CPEB1: variants seen among roughly 807,000 people sequenced by gnomAD.
The protein encoded by CPEB1 is cytoplasmic polyadenylation element-binding protein 1.
CPEB1 carries 7 observed loss-of-function variants against 65.8 expected under a neutral mutation model. The ratio of observed to expected loss-of-function variants is 0.11; its 90% confidence interval spans 0.06 to 0.20. The LOEUF is 0.20. Ranked by LOEUF, CPEB1 falls within the 10% of genes least tolerant of loss-of-function variation. The pLI, the probability that CPEB1 is intolerant of heterozygous loss-of-function variation, is 1.00. For synonymous variants in CPEB1, 262 were observed against 260.0 expected (o/e 1.01, Z -0.08); for missense variants, 551 against 712.2 (o/e 0.77, Z 2.58).
At chr15:82,553,305 G>C in intron 8 of CPEB1, 162 bp downstream of exon 8, 3 of 622,846 alleles carry the variant, frequency 4.8e-6, no homozygotes, top group Admixed American at 2.8e-5. Flanking sequence ...GGACATGTTA[G>C]GTTGAAGAGA....
intron 4 of CPEB1, among the ~76,000 whole-genome samples, chr15:82,566,437 A>C (rs1001572028): frequency 1.3e-5 from 2 of 152,130 alleles, no homozygotes; most frequent in Non-Finnish European, 2.9e-5. Flanking sequence ...AGGAATAGGA[A>C]GGGGGGAGAG....
intron 9 of CPEB1, among the ~76,000 whole-genome samples, chr15:82,550,552 G>C (rs1405567811): frequency 1.3e-5 from 2 of 152,196 alleles, no homozygotes; most frequent in Non-Finnish European, 2.9e-5. Context: ...GGGCCTACAC[G>C]GTCTTGGGAT....
At chr15:82,605,187 A>G (rs187584275) in intron 3 of CPEB1, among the ~76,000 whole-genome samples, 13 of 152,318 alleles carry the variant, frequency 8.5e-5, no homozygotes, top group Admixed American at 8.5e-4. Flanking sequence ...TCCTAGACAA[A>G]AAGGGAGTTT....
intron 1 of CPEB1, chr15:82,641,537 T>A (rs1596147424): frequency 6.6e-6 from 1 of 152,062 alleles, no homozygotes; most frequent in Non-Finnish European, 1.5e-5. Flanking sequence ...TGGCCAAGAA[T>A]AAAGAAACAA....
intron 1 of CPEB1, among the ~76,000 whole-genome samples, chr15:82,645,288 G>C (rs957418837): frequency 6.6e-6 from 1 of 152,074 alleles, no homozygotes; most frequent in Non-Finnish European, 1.5e-5. Context: ...AAGTAGCTTC[G>C]ATTATAGGCG....
At chr15:82,587,433 T>C (rs954441757) in intron 3 of CPEB1, among the ~76,000 whole-genome samples, 2 of 152,202 alleles carry the variant, frequency 1.3e-5, no homozygotes, top group Non-Finnish European at 2.9e-5. Context: ...TCTGTCAAAA[T>C]GGACTACGAA....
chr15:82,577,078 A>G (rs553276994), intron 3 of CPEB1, among the ~76,000 whole-genome samples: 4 of 152,376 alleles, frequency 2.6e-5, no homozygotes, highest in Admixed American at 2.6e-4. Context: ...TTTTCTGTAA[A>G]TAAAGTTAAA....
intron 3 of CPEB1, among the ~76,000 whole-genome samples, chr15:82,618,815 A>C (rs754695190): frequency 7.2e-5 from 11 of 152,224 alleles, no homozygotes; most frequent in Non-Finnish European, 1.3e-4. Flanking sequence ...TAAAGACCAG[A>C]TAAGCAAAGG....
chr15:82,582,786 G>A (rs1438780027), intron 3 of CPEB1, among the ~76,000 whole-genome samples: 7 of 137,944 alleles, frequency 5.1e-5, no homozygotes, highest in Admixed American at 1.7e-4. Flanking sequence ...CTGTTGCCCC[G>A]GCTGGAGTGC....
At position 82,556,068 on chromosome 15, in the gene CPEB1, G is replaced by A. The variant is rs1567174374; in HGVS notation, c.742C>T (p.Pro248Ser). The change falls in exon 6 of 13, where the codon CCC becomes TCC. Residue 248 changes from proline (P) to serine (S), a missense_variant. By Grantham distance (74) the Pro-to-Ser change is moderately conservative (BLOSUM62 -1). Transcript: ENST00000684509. ...LPFLSLSGGGPRDPLKMGVGS... is the reference protein window; with the variant it reads ...LPFLSLSGGGSRDPLKMGVGS... ...ACCCCCATCTTTAAAGGGTCTCTGGGACCACCCCCTGACAGAGACAGGAAG... is the reference window on the plus strand; with the variant it reads ...ACCCCCATCTTTAAAGGGTCTCTGGAACCACCCCCTGACAGAGACAGGAAG... 13 of 1,611,280 alleles carry A rather than the reference G, an allele frequency of 8.1e-6. No homozygotes were observed. Among genetic ancestry groups the A allele is most frequent in the Admixed American group, 1.7e-5 (1 of 59,596 alleles).
Position 82,566,439 on chromosome 15 carries a change from G to C in CPEB1, c.460+4905C>G, listed in dbSNP as rs555588328. 2.0e-4 allele frequency among the ~76,000 whole-genome samples: 31 copies of C among 152,234 alleles called. No homozygotes were observed. In the South Asian group the frequency reaches 4.8e-3, roughly 23 times the overall value. ...AGGATCTCTCTGAAGGAATAGGAAG[G>C]GGGGAGAGTAGCATTCATTCCATGT... On this transcript the variant is annotated intron_variant, in intron 4 of 12. Coordinates refer to ENST00000684509, the MANE Select transcript of CPEB1 (RefSeq NM_001365242.1).
chr15:82,620,131 G>A (rs985884739), intron 3 of CPEB1, among the ~76,000 whole-genome samples: 19 of 152,136 alleles, frequency 1.2e-4, no homozygotes, highest in African/African-American at 3.6e-4. Flanking sequence ...TATCTGGGCC[G>A]GGTGTGGTTG....
At chr15:82,584,539 G>A (rs1165230564) in intron 3 of CPEB1, among the ~76,000 whole-genome samples, 2 of 151,614 alleles carry the variant, frequency 1.3e-5, no homozygotes, top group Non-Finnish European at 2.9e-5. Context: ...TTAGCCAGGC[G>A]TGGTGGTGGG....
chr15:82,632,514 C>CAA (rs2046348149), intron 1 of CPEB1, among the ~76,000 whole-genome samples: 1 of 151,892 alleles, frequency 6.6e-6, no homozygotes, highest in Non-Finnish European at 1.5e-5. Flanking sequence ...TATTCACACA[C>CAA]ACACACACAC....
upstream of CPEB1, chr15:82,648,220 C>T (rs1341399308): frequency 7.5e-6 from 2 of 266,672 alleles, no homozygotes; most frequent in African/African-American, 2.2e-5. Context: ...GCGCCATCAC[C>T]TAAGTGACCC....
intron 3 of CPEB1, among the ~76,000 whole-genome samples, chr15:82,572,620 GA>G (rs2040196184): frequency 6.6e-6 from 1 of 152,184 alleles, no homozygotes; most frequent in African/African-American, 2.4e-5. Flanking sequence ...AGCAGCATCT[GA>G]CAAACCAAGA....
intron 3 of CPEB1, among the ~76,000 whole-genome samples, chr15:82,579,689 G>T (rs897096490): frequency 2.0e-5 from 3 of 151,076 alleles, no homozygotes; most frequent in African/African-American, 7.3e-5. Flanking sequence ...GAGACGGGTG[G>T]ATCATGAGGT....
chr15:82,546,277 T>C lies in CPEB1; in HGVS notation c.1656+164A>G, dbSNP rs143862541. 4.9e-3 allele frequency among the ~76,000 whole-genome samples: 742 copies of C among 152,184 alleles called. 5 individuals are homozygous for C. The highest frequency in any genetic ancestry group is 8.5e-3 in the South Asian group (41 of 4,822). Reference sequence around the variant, plus strand: ...GGCGCCTGCCACCACGCCAGGCTAATTGTTGTATTTTTAATAGAGACGGGG... The same window carrying C: ...GGCGCCTGCCACCACGCCAGGCTAACTGTTGTATTTTTAATAGAGACGGGG... On this transcript the variant is annotated intron_variant, in intron 12 of 12. Coordinates refer to ENST00000684509, the MANE Select transcript of CPEB1 (RefSeq NM_001365242.1).
At position 82,567,010 on chromosome 15, in the gene CPEB1, G is replaced by C. The variant is rs114116268; in HGVS notation, c.460+4334C>G. On this transcript the variant is annotated intron_variant, in intron 4 of 12. Transcript: ENST00000684509. ...TTAAAAAACAACCAGGATAAACACA[G>C]TGGCTCAGCACTCATCATTCATTCA... Among the ~76,000 whole-genome samples the C allele has an allele frequency of 6.7e-3, 1,015 of 152,200 alleles. 10 individuals carry two copies. The highest frequency in any genetic ancestry group is 0.023 in the African/African-American group (947 of 41,522).
Sources: gnomAD v4.1 joint callset for allele counts (sites outside exome capture counted in the v4.1 genomes callset) on GRCh38, gnomAD v4.1.1 for gene constraint, MANE v1.5 for transcripts, NCBI Gene and HGNC (gene_info 2026-07-23, HGNC 2026-07-21) for gene names.